Variants in UBA52 observed in about 807,000 individuals in gnomAD.
UBA52 encodes ubiquitin-ribosomal protein eL40 fusion protein.
Under a neutral mutation model 15.3 loss-of-function variants are expected in UBA52, and 1 was observed. The observed-to-expected ratio is 0.07, with a 90% CI of 0.02 to 0.31. The LOEUF is 0.31. Ranked by LOEUF, UBA52 falls within the 10% of genes least tolerant of loss-of-function variation. UBA52 has a pLI of 1.00. For missense variants in UBA52, 87 were observed against 168.0 expected (o/e 0.52, Z 2.66); for synonymous variants, 50 against 58.3 (o/e 0.86, Z 0.65).
the UBA52 span, chr19:18,565,147 C>G: frequency 2.8e-5 from 41 of 1,484,538 alleles, 1 homozygote; most frequent in African/African-American, 4.2e-4. Context: ...TCACTGCGCA[C>G]TTAAGTGTCT....
At position 18,577,055 on chromosome 19, in the gene UBA52, C is replaced by T. The variant is rs545676016; in HGVS notation, c.*1905C>T. The T allele has an allele frequency of 2.1e-5, 3 of 142,506 alleles. No homozygotes were observed. Among genetic ancestry groups the T allele is most frequent in the African/African-American group, 5.2e-5 (2 of 38,684 alleles). 8.8% of individuals were successfully genotyped at this position (142,506 alleles called of 1,614,324 possible). ...GGTTTTGCACTGGGTCCAAGCAGTTCTGCCGCAGCCTCCCAAAGTGCTGGG... is the reference window on the plus strand; with the variant it reads ...GGTTTTGCACTGGGTCCAAGCAGTTTTGCCGCAGCCTCCCAAAGTGCTGGG... On this transcript the variant is annotated 3_prime_UTR_variant, in exon 5 of 5. Coordinates refer to ENST00000442744, the MANE Select transcript of UBA52 (RefSeq NM_001033930.3).
chr19:18,569,049 C>T, upstream of UBA52: 1 of 214,286 alleles, frequency 4.7e-6, no homozygotes, highest in South Asian at 8.0e-5. Flanking sequence ...TCACCCCAGC[C>T]CACCCCCGCA....
chr19:18,574,382 G>C (rs1334231753), intron 3 of UBA52, among the ~76,000 whole-genome samples: 7 of 151,690 alleles, frequency 4.6e-5, no homozygotes, highest in Admixed American at 4.6e-4. Context: ...TCCGTCTCCC[G>C]GGTTCAAGCG....
chr19:18,568,579 C>T, upstream of UBA52: 2 of 1,613,358 alleles, frequency 1.2e-6, no homozygotes, highest in Non-Finnish European at 1.7e-6. Context: ...CCTGGCTCCC[C>T]AGCCATCAAC....
rs1975711677 is a variant in UBA52 at position 18,574,979 on chromosome 19, G to A, written c.293+7G>A. ...ACAAGATGATCTGCCGCAAGTATGTGTGCTCCGATGCTTGGGGGGCTGTGG... is the reference window on the plus strand; with the variant it reads ...ACAAGATGATCTGCCGCAAGTATGTATGCTCCGATGCTTGGGGGGCTGTGG... On this transcript the variant is annotated splice_region_variant and intron_variant, in intron 4 of 4. Transcript: ENST00000442744. 2.5e-6 allele frequency: 4 copies of A among 1,614,078 alleles called. No homozygotes were observed. The South Asian group carries it at 3.3e-5, about 13-fold the overall frequency.
At chr19:18,563,948 G>A in the UBA52 span, among the ~76,000 whole-genome samples, 6 of 151,820 alleles carry the variant, frequency 4.0e-5, no homozygotes, top group Non-Finnish European at 8.8e-5. Context: ...GTGCAGTGGC[G>A]CAATCTCAGG....
chr19:18,564,564 A>C, the UBA52 span, among the ~76,000 whole-genome samples: 1,324 of 152,262 alleles, frequency 8.7e-3, 16 homozygotes, highest in African/African-American at 0.031. Flanking sequence ...CGGAGCTTGC[A>C]GTGAGCCGAG....
chr19:18,567,595 C>G (rs1156773273), upstream of UBA52, among the ~76,000 whole-genome samples: 1 of 152,144 alleles, frequency 6.6e-6, no homozygotes, highest in Non-Finnish European at 1.5e-5. Flanking sequence ...GTGAGTATCA[C>G]CGTTTCATGG....
At chr19:18,567,024 A>T, upstream of UBA52, 1 of 931,140 alleles carries the variant, frequency 1.1e-6, no homozygotes, top group Non-Finnish European at 1.7e-6. Context: ...GGGGGTTCTC[A>T]CTCCCGTCTC....
chr19:18,564,805 TGGGCCAGGTTGGGCA>T, the UBA52 span: 14 of 1,585,292 alleles, frequency 8.8e-6, no homozygotes, highest in Non-Finnish European at 1.2e-5. Flanking sequence ...AACAGTCTTC[TGGGCCAGGTTGGGCA>T]GGGCCCTGAA....
At chr19:18,564,184 T>C in the UBA52 span, among the ~76,000 whole-genome samples, 1 of 152,058 alleles carries the variant, frequency 6.6e-6, no homozygotes, top group Admixed American at 6.6e-5. Context: ...CATGCCCGGC[T>C]GGTCTCCTGT....
At chr19:18,569,622 C>T (rs1038513621), upstream of UBA52, among the ~76,000 whole-genome samples, 6 of 151,762 alleles carry the variant, frequency 4.0e-5, no homozygotes, top group African/African-American at 7.3e-5. Flanking sequence ...GTGTTCCCAT[C>T]CTCATTTCAT....
chr19:18,573,165 G>A, intron 1 of UBA52, 128 bp from the exon 2 acceptor site: 1 of 1,110,234 alleles, frequency 9.0e-7, no homozygotes, highest in Non-Finnish European at 1.3e-6. Flanking sequence ...AAGGAAGACA[G>A]GTACTGGGGC....
At chr19:18,571,685 A>C (rs2283616), upstream of UBA52, 105,074 of 152,182 alleles carry the variant, frequency 0.69, 37,779 homozygotes, top group African/African-American at 0.91. Flanking sequence ...GGGGCCCACA[A>C]CCGGAAGCGG....
At chr19:18,565,151 A>G in the UBA52 span, 1 of 1,480,404 alleles carries the variant, frequency 6.8e-7, no homozygotes, top group African/African-American at 1.4e-5. Flanking sequence ...TGCGCACTTA[A>G]GTGTCTGGGA....
In UBA52 at chr19:18,576,537, G is replaced by A. The variant is rs1168544444; in HGVS notation, c.*1387G>A. 6.6e-6 allele frequency: 1 copy of A among 152,130 alleles called. No homozygotes were observed. Among genetic ancestry groups the A allele is most frequent in the Non-Finnish European group, 1.5e-5 (1 of 68,038 alleles). The allele number at this position is 152,130 out of a possible 1,614,324, so 9.4% of individuals were successfully genotyped here. A position where few individuals can be genotyped will look rare whatever the true frequency, so the allele number is the denominator to read the frequency against. On this transcript the variant is annotated 3_prime_UTR_variant, in exon 5 of 5. Transcript: ENST00000442744. Reference sequence around the variant, plus strand: ...TTGCCTCAGCCTCCCGAGTAGCTGGGACTGCATGCTTGTGCCACCACACTC... The same window carrying A: ...TTGCCTCAGCCTCCCGAGTAGCTGGAACTGCATGCTTGTGCCACCACACTC...
chr19:18,568,799 G>C, upstream of UBA52: 1 of 602,098 alleles, frequency 1.7e-6, no homozygotes, highest in Non-Finnish European at 2.9e-6. Context: ...TTCCTGGGGG[G>C]GTCTTTAATT....
rs1169587024 is a variant in UBA52 at position 18,576,220 on chromosome 19, A to G, written c.*1070A>G. 1.3e-5 allele frequency: 2 copies of G among 152,068 alleles called. No individual in the cohort carries two copies. Among genetic ancestry groups the G allele is most frequent in the Admixed American group, 1.3e-4 (2 of 15,252 alleles). 9.4% of individuals were successfully genotyped at this position (152,068 alleles called of 1,614,324 possible). A position where few individuals can be genotyped will look rare whatever the true frequency, so the allele number is the denominator to read the frequency against. On this transcript the variant is annotated 3_prime_UTR_variant, in exon 5 of 5. Transcript: ENST00000442744. ...CAGTGGTGTGGTCATGGCTCCCTGT[A>G]CCCTGGAACTCAGGCTTGGGTGATC...
chr19:18,571,946 G>A (rs933082312), intron 1 of UBA52, 37 bp downstream of exon 1: 1 of 152,766 alleles, frequency 6.5e-6, no homozygotes, highest in Non-Finnish European at 1.5e-5. Context: ...GGGGCTGCGG[G>A]AGGCTGCAGG....
Sources: allele counts gnomAD v4.1 joint callset (sites outside exome capture counted in the v4.1 genomes callset), GRCh38; gene constraint gnomAD v4.1.1; transcripts MANE v1.5; gene names NCBI Gene and HGNC (gene_info 2026-07-23, HGNC 2026-07-21).